Variants in PGF observed in about 807,000 individuals in gnomAD.
PGF encodes placenta growth factor.
A neutral mutation model predicts 25.3 loss-of-function variants in PGF; 11 were observed. That is an observed-to-expected ratio of 0.43 (90% CI 0.27 to 0.72). PGF has a LOEUF of 0.72. PGF is among the 30% of genes least tolerant of loss of function. PGF has a pLI of 0.18. For missense variants in PGF, 230 were observed against 234.9 expected, an observed-to-expected ratio of 0.98 and a Z score of 0.14; for synonymous variants, 105 against 97.9, an observed-to-expected ratio of 1.07 and a Z score of -0.43.
chr14:74,951,794 G>A (rs759105071), intron 2 of PGF, among the ~76,000 whole-genome samples: 18 of 152,146 alleles, frequency 1.2e-4, no homozygotes, highest in Non-Finnish European at 1.9e-4. Flanking sequence ...GAAGGAGGTG[G>A]GCTGGAGCCT....
chr14:74,942,901 G>A (rs61759405), intron 6 of PGF, among the ~76,000 whole-genome samples, 168 bp from the exon 7 acceptor site: 3 of 152,138 alleles, frequency 2.0e-5, no homozygotes, highest in Non-Finnish European at 4.4e-5. Context: ...GAAGCTGGGA[G>A]CTACCCTTCA....
chr14:74,947,160 C>T, intron 4 of PGF: 1 of 422,284 alleles, frequency 2.4e-6, no homozygotes, highest in Non-Finnish European at 4.2e-6. Context: ...GGTTGTACCT[C>T]TCCATATTGG....
chr14:74,943,175 C>T (rs1040155786), intron 6 of PGF, among the ~76,000 whole-genome samples: 3 of 152,168 alleles, frequency 2.0e-5, no homozygotes, highest in African/African-American at 7.2e-5. Context: ...GCACGTGAGG[C>T]CTGAGTACTG....
At position 74,953,299 on chromosome 14, in the gene PGF, G is replaced by A. The variant is rs1194472374; in HGVS notation, c.118+605C>T. ...GAGGCAGGGAGGGAGGAGCGAGGTA[G>A]GGGGCCTGGCATGGGCCTCCTGCCT... On this transcript the variant is annotated intron_variant, in intron 2 of 6. Transcript: ENST00000555567. The surrounding 1 kb of genome is among the most constrained non-coding windows in gnomAD (Gnocchi z 5.4). Among the ~76,000 whole-genome samples, 1 of 152,224 alleles carries A rather than the reference G, an allele frequency of 6.6e-6. No individual in the cohort carries two copies. The highest frequency in any genetic ancestry group is 2.4e-5 in the African/African-American group (1 of 41,466).
At chr14:74,954,944 C>T (rs1056843955) in intron 1 of PGF, among the ~76,000 whole-genome samples, 1 of 149,930 alleles carries the variant, frequency 6.7e-6, no homozygotes, top group African/African-American at 2.4e-5. Context: ...CTCCCTCCCT[C>T]CCTGTGGCTT....
At chr14:74,946,118 C>A in intron 6 of PGF, 95 bp downstream of exon 6, 2 of 1,122,726 alleles carry the variant, frequency 1.8e-6, no homozygotes, top group Non-Finnish European at 2.7e-6. Flanking sequence ...TGGCCTCAGT[C>A]CTGCCTCTCC....
rs559671641 is a variant in PGF at position 74,949,514 on chromosome 14, C to T, written c.158G>A (p.Arg53Gln). The T allele has an allele frequency of 3.9e-5, 62 of 1,600,264 alleles. No homozygotes were observed. Among genetic ancestry groups the T allele is most frequent in the African/African-American group, 5.4e-5 (4 of 74,414 alleles). The change falls in exon 3 of 7, where the codon CGG (arginine) becomes CAG (glutamine). Residue 53 changes from arginine to glutamine, a missense_variant. Transcript: ENST00000555567. ...GACGTCCACCAGCCTCTCCAGCGCC[C>T]GGCAGTAGCTGCGGCCCCACACTTC... is the stretch of plus-strand genomic sequence containing the variant. The part of the protein sequence containing the change: ...FQEVWGRSYC[R>Q]ALERLVDVVS...
intron 6 of PGF, chr14:74,944,867 A>C (rs1888691584): frequency 6.6e-6 from 1 of 151,600 alleles, no homozygotes; most frequent in African/African-American, 2.4e-5. Context: ...ATTCTGATGA[A>C]AATGTTCAAT....
Position 74,948,550 on chromosome 14 carries a change from A to G in PGF, c.349T>C (p.Tyr117His). 1.2e-6 allele frequency: 2 copies of G among 1,605,456 alleles called. No individual in the cohort carries two copies. Among genetic ancestry groups the G allele is most frequent in the Non-Finnish European group, 1.7e-6 (2 of 1,173,360 alleles). Residue 117 changes from tyrosine to histidine, a missense_variant, in exon 4 of 7, where the codon TAC becomes CAC. Coordinates refer to ENST00000555567, the MANE Select transcript of PGF (RefSeq NM_002632.6). ...LKIRSGDRPS[Y>H]VELTFSQHVR... ...TGCTGAGAGAACGTCAGCTCCACGTAGGAGGGCCGGTCCCCAGAACGGATC... is the reference window on the plus strand; with the variant it reads ...TGCTGAGAGAACGTCAGCTCCACGTGGGAGGGCCGGTCCCCAGAACGGATC...
intron 4 of PGF, chr14:74,947,150 G>C (rs913609046): frequency 1.4e-5 from 6 of 439,874 alleles, no homozygotes; most frequent in African/African-American, 9.9e-5. Context: ...GGGACTGTCT[G>C]GTTGTACCTC....
At position 74,955,170 on chromosome 14, in the gene PGF, G is replaced by C. The variant is rs1389209508; in HGVS notation, c.73C>G (p.Gln25Glu). Residue 25 changes from glutamine (Q) to glutamate (E), a missense_variant and splice_region_variant, in exon 1 of 7, where the codon CAG (glutamine) becomes GAG (glutamate). Coordinates refer to ENST00000555567, the MANE Select transcript of PGF (RefSeq NM_002632.6). This position sits in a 1 kb window ranked among gnomAD's most constrained non-coding sequence, Gnocchi z 4.1. Reference protein sequence around the residue: ...AGLALPAVPPQQWALSAGNGS... With the variant: ...AGLALPAVPPEQWALSAGNGS... ...GGCTAGGTGGGGGTAGCTCTTACCT[G>C]GGGGGGCACAGCAGGCAGCGCCAGC... The C allele has an allele frequency of 6.8e-7, 1 of 1,464,344 alleles. No individual in the cohort carries two copies. Among genetic ancestry groups the C allele is most frequent in the Non-Finnish European group, 9.1e-7 (1 of 1,096,908 alleles). 90.7% of individuals were successfully genotyped at this position (1,464,344 alleles called of 1,614,324 possible).
In PGF at chr14:74,946,398, C is replaced by A; in HGVS notation, c.403G>T (p.Glu135Ter). 1 of 1,610,904 alleles carries A rather than the reference C, an allele frequency of 6.2e-7. No homozygotes were observed. The highest frequency in any genetic ancestry group is 8.5e-7 in the Non-Finnish European group (1 of 1,178,032). ...ACTTACCTTTCCGGCTTCATCTTCTCCCGCAGAGGCCTAGGGAAACAGACA... is the reference window on the plus strand; with the variant it reads ...ACTTACCTTTCCGGCTTCATCTTCTACCGCAGAGGCCTAGGGAAACAGACA... ...HVRCECRPLR[E>*]KMKPERRRPK... is the part of the protein sequence containing the mutation. Residue 135 changes from glutamate (E) to a stop codon, truncating the protein, a stop_gained, in exon 5 of 7, where the codon GAG becomes TAG. Transcript: ENST00000555567. LOFTEE classifies it high-confidence loss of function.
In PGF at chr14:74,948,583, G is replaced by C; in HGVS notation, c.316C>G (p.Leu106Val). ...PVETANVTMQLLKIRSGDRPS... is the reference protein window; with the variant it reads ...PVETANVTMQVLKIRSGDRPS... ...CGGTCCCCAGAACGGATCTTTAGGA[G>C]CTGAAGGAAGAAAGAGTTGATGCCT... Residue 106 changes from leucine (L) to valine (V), a missense_variant and splice_region_variant, in exon 4 of 7, where the codon CTC (leucine) becomes GTC (valine). Leu to Val is a conservative substitution (Grantham distance 32). Coordinates refer to ENST00000555567, the MANE Select transcript of PGF (RefSeq NM_002632.6). 1 of 1,596,582 alleles carries C rather than the reference G, an allele frequency of 6.3e-7. No individual in the cohort carries two copies.
chr14:74,946,028 G>A, intron 6 of PGF, 185 bp downstream of exon 6: 1 of 596,764 alleles, frequency 1.7e-6, no homozygotes, highest in Non-Finnish European at 3.0e-6. Flanking sequence ...GGCTAAGCCG[G>A]GACAAAAACC....
In PGF at chr14:74,949,502, C is replaced by A. The variant is rs745548157; in HGVS notation, c.170G>T (p.Arg57Met). 3.1e-6 allele frequency: 5 copies of A among 1,606,338 alleles called. No individual in the cohort carries two copies. The highest frequency in any genetic ancestry group is 4.2e-6 in the Non-Finnish European group (5 of 1,176,894). ...WGRSYCRALE[R>M]LVDVVSEYPS... ...GTACTCGGACACGACGTCCACCAGC[C>A]TCTCCAGCGCCCGGCAGTAGCTGCG... The change falls in exon 3 of 7, where the codon AGG (arginine) becomes ATG (methionine). Residue 57 changes from arginine to methionine, a missense_variant. Physicochemically the swap from Arg to Met is moderately conservative, Grantham distance 91. Coordinates refer to ENST00000555567, the MANE Select transcript of PGF (RefSeq NM_002632.6).
chr14:74,953,763 A>G lies in PGF; in HGVS notation c.118+141T>C. Reference sequence around the variant, plus strand: ...GAGGGGATCTCTTAGGCCCTGCCAAAGTCATCACCCAGCATGTCTAGCTTG... The same window carrying G: ...GAGGGGATCTCTTAGGCCCTGCCAAGGTCATCACCCAGCATGTCTAGCTTG... On this transcript the variant is annotated intron_variant, in intron 2 of 6. Transcript: ENST00000555567. This position sits in a 1 kb window ranked among gnomAD's most constrained non-coding sequence, Gnocchi z 5.4. The G allele has an allele frequency of 1.2e-6, 1 of 860,660 alleles. No homozygotes were observed. The highest frequency in any genetic ancestry group is 2.0e-6 in the Non-Finnish European group (1 of 509,400). The allele number at this position is 860,660 out of a possible 1,614,324, so 53.3% of individuals were successfully genotyped here. A position where few individuals can be genotyped will look rare whatever the true frequency, so the allele number is the denominator to read the frequency against.
intron 2 of PGF, among the ~76,000 whole-genome samples, chr14:74,952,468 G>C (rs1888894395): frequency 6.6e-6 from 1 of 152,266 alleles, no homozygotes; most frequent in Non-Finnish European, 1.5e-5. Context: ...GCCTGCATCT[G>C]TAAAAATGGA....
In PGF at chr14:74,942,777, T is replaced by C. The variant is rs779447924; in HGVS notation, c.486-44A>G. On this transcript the variant is annotated intron_variant, in intron 6 of 6. Coordinates refer to ENST00000555567, the MANE Select transcript of PGF (RefSeq NM_002632.6). ...AGACGGGGCGGGTATCAGCACACTGTGGAGGGTGCGGTCTCCTCCTATGGA... is the reference window on the plus strand; with the variant it reads ...AGACGGGGCGGGTATCAGCACACTGCGGAGGGTGCGGTCTCCTCCTATGGA... 3.8e-6 allele frequency: 6 copies of C among 1,588,394 alleles called. No homozygotes were observed. The Admixed American group carries it at 1.1e-4, about 29-fold the overall frequency.
rs1477026711 is a variant in PGF at position 74,950,600 on chromosome 14, G to A, written c.119-1047C>T. Among the ~76,000 whole-genome samples the A allele has an allele frequency of 6.6e-6, 1 of 152,212 alleles. No homozygotes were observed. The highest frequency in any genetic ancestry group is 1.5e-5 in the Non-Finnish European group (1 of 68,030). ...CCCCAAATAGAGGCTCACAGGGAGA[G>A]TGGCCAGAGTCAGACACCTGGCTTC... On this transcript the variant is annotated intron_variant, in intron 2 of 6. Transcript: ENST00000555567. This position sits in a 1 kb window ranked among gnomAD's most constrained non-coding sequence, Gnocchi z 4.1.
Sources: gnomAD v4.1 joint callset for allele counts (sites outside exome capture counted in the v4.1 genomes callset) on GRCh38, gnomAD v4.1.1 for gene constraint, Gnocchi (gnomAD v3.1) non-coding constraint, MANE v1.5 for transcripts, NCBI Gene and HGNC (gene_info 2026-07-23, HGNC 2026-07-21) for gene names.